The following CAGE1 variants were observed in gnomAD, a reference collection of about 807,000 sequenced individuals.
CAGE1 encodes the protein cancer antigen 1.
A neutral mutation model predicts 94.9 loss-of-function variants in CAGE1; 66 were observed. That is an observed-to-expected ratio of 0.70 (90% CI 0.57 to 0.85). The LOEUF (loss-of-function observed/expected upper bound fraction) is 0.85, where lower values mean the gene tolerates loss of function less well. Among genes scored for constraint, CAGE1 ranks in the 40% least tolerant of loss-of-function variants. The pLI, the probability that CAGE1 is intolerant of heterozygous loss-of-function variation, is 0.00. For missense variants in CAGE1, 865 were observed against 950.4 expected (o/e 0.91, Z 1.18); for synonymous variants, 319 against 321.0 (o/e 0.99, Z 0.07).
chr6:7,389,078 A>AATAG, intron 1 of CAGE1, 124 bp downstream of exon 1: 1 of 324,790 alleles, frequency 3.1e-6, no homozygotes, highest in East Asian at 7.6e-5. Flanking sequence ...CAAATGTTTG[A>AATAG]ATAGATGTTC....
intron 11 of CAGE1, among the ~76,000 whole-genome samples, chr6:7,351,754 T>C (rs1450704739): frequency 6.6e-6 from 1 of 152,078 alleles, no homozygotes; most frequent in East Asian, 1.9e-4. Flanking sequence ...TGTGATACAC[T>C]ACATAAAAAG....
intron 10 of CAGE1, 140 bp from the exon 11 acceptor site, chr6:7,355,251 G>T: frequency 1.7e-6 from 1 of 574,388 alleles, no homozygotes; most frequent in Admixed American, 3.1e-5. Flanking sequence ...CTTACATTTT[G>T]AAATCAGGAA....
At chr6:7,341,253 C>A in intron 11 of CAGE1, 1 of 669,880 alleles carries the variant, frequency 1.5e-6, no homozygotes. Context: ...CAAAGGTGCT[C>A]ACAGCAGAAG....
intron 11 of CAGE1, among the ~76,000 whole-genome samples, chr6:7,346,510 C>T (rs1345709415): frequency 6.6e-6 from 1 of 152,054 alleles, no homozygotes; most frequent in East Asian, 1.9e-4. Flanking sequence ...GACTGCGCCA[C>T]TGCACTCCGG....
chr6:7,327,097 G>A (rs529399459), intron 13 of CAGE1, among the ~76,000 whole-genome samples, 198 bp from the exon 14 acceptor site: 1 of 152,258 alleles, frequency 6.6e-6, no homozygotes, highest in South Asian at 2.1e-4. Flanking sequence ...CTGTTACCCA[G>A]GCTGCAGTGC....
At chr6:7,334,966 C>T (rs1486448746) in intron 11 of CAGE1, among the ~76,000 whole-genome samples, 4 of 152,080 alleles carry the variant, frequency 2.6e-5, no homozygotes, top group Admixed American at 6.5e-5. Context: ...GAAGCTTCAC[C>T]GGCCTGAAAT....
chr6:7,338,372 T>C (rs1759041384), intron 11 of CAGE1, among the ~76,000 whole-genome samples: 1 of 152,216 alleles, frequency 6.6e-6, no homozygotes, highest in Non-Finnish European at 1.5e-5. Flanking sequence ...ATAATGTTAG[T>C]AGGCTTTTTG....
chr6:7,372,825 T>C (rs1760587193), intron 5 of CAGE1, among the ~76,000 whole-genome samples: 1 of 152,122 alleles, frequency 6.6e-6, no homozygotes, highest in Admixed American at 6.5e-5. Context: ...CACACCACCA[T>C]GCATGACAGA....
chr6:7,384,334 C>A (rs903461548), intron 3 of CAGE1, among the ~76,000 whole-genome samples: 1 of 152,192 alleles, frequency 6.6e-6, no homozygotes, highest in African/African-American at 2.4e-5. Flanking sequence ...GCCTCGGCAG[C>A]GCTTATTTTT....
intron 11 of CAGE1, chr6:7,341,976 G>T (rs1759194287): frequency 1.3e-6 from 1 of 746,294 alleles, no homozygotes; most frequent in Non-Finnish European, 2.5e-6. Flanking sequence ...TGCAGAGCTT[G>T]TTCTCACTGG....
chr6:7,329,401 C>T lies in CAGE1; in HGVS notation c.2478+448G>A, dbSNP rs1758663329. The T allele has an allele frequency of 8.7e-6, 3 of 342,890 alleles. No homozygotes were observed. In the South Asian group the frequency reaches 4.3e-4, roughly 49 times the overall value. 21.2% of individuals were successfully genotyped at this position (342,890 alleles called of 1,614,324 possible). A position where few individuals can be genotyped will look rare whatever the true frequency, so the allele number is the denominator to read the frequency against. Reference sequence around the variant, plus strand: ...AGGGCTGGAGCCAGATCATAGGGGACTTTATACGCCTCGCCAAGGAGCTCA... The same window carrying T: ...AGGGCTGGAGCCAGATCATAGGGGATTTTATACGCCTCGCCAAGGAGCTCA... On this transcript the variant is annotated intron_variant, in intron 13 of 13. Coordinates refer to ENST00000502583, the MANE Select transcript of CAGE1 (RefSeq NM_001170692.2).
chr6:7,328,343 A>G (rs886525270), intron 13 of CAGE1, among the ~76,000 whole-genome samples: 1 of 152,208 alleles, frequency 6.6e-6, no homozygotes, highest in South Asian at 2.1e-4. Context: ...CATAGGTGCT[A>G]TTACGTCAAA....
intron 11 of CAGE1, among the ~76,000 whole-genome samples, chr6:7,337,553 T>C (rs1561847766): frequency 6.6e-6 from 1 of 152,180 alleles, no homozygotes; most frequent in African/African-American, 2.4e-5. Context: ...TGGTGGAGTG[T>C]ATAAATCAAA....
chr6:7,376,574 G>C (rs957956826), intron 4 of CAGE1, among the ~76,000 whole-genome samples: 3 of 152,042 alleles, frequency 2.0e-5, no homozygotes, highest in Non-Finnish European at 4.4e-5. Flanking sequence ...CCGTGAGCCA[G>C]ATAAATTGTT....
Position 7,356,039 on chromosome 6 carries a change from T to C in CAGE1, c.2284A>G (p.Asn762Asp). ...AAAATGTCTACCTTCTTTATTAAGTTGCCTAAATGTCTTTGATACTTGTCA... is the reference window on the plus strand; with the variant it reads ...AAAATGTCTACCTTCTTTATTAAGTCGCCTAAATGTCTTTGATACTTGTCA... The part of the protein sequence containing the change: ...ENDKYQRHLG[N>D]LIKKVTSYEE... The change falls in exon 10 of 14, where the codon AAC becomes GAC. Residue 762 changes from asparagine to aspartate, a missense_variant. By Grantham distance (23) the Asn-to-Asp change is conservative. Transcript: ENST00000502583. 1 of 1,536,620 alleles carries C rather than the reference T, an allele frequency of 6.5e-7. No individual in the cohort carries two copies. Among genetic ancestry groups the C allele is most frequent in the Non-Finnish European group, 8.8e-7 (1 of 1,133,466 alleles).
intron 11 of CAGE1, among the ~76,000 whole-genome samples, chr6:7,352,991 G>C (rs771007785): frequency 5.3e-5 from 8 of 152,158 alleles, no homozygotes; most frequent in Non-Finnish European, 1.2e-4. Context: ...CTTAGGCAAG[G>C]ATTTCATGAC....
chr6:7,373,463 T>C lies in CAGE1; in HGVS notation c.1356A>G (p.Val452=). 6.2e-7 allele frequency: 1 copy of C among 1,613,934 alleles called. No individual in the cohort carries two copies. Among genetic ancestry groups the C allele is most frequent in the Non-Finnish European group, 8.5e-7 (1 of 1,179,858 alleles). The stretch of plus-strand genomic sequence containing the variant: ...CTTTTTTGAGTTGTTGTAGTCTCTC[T>C]ACCTCTTCTTCTTTCTTGCTTAAGG... ...DKTLSKKEEE[V]ERLQQLKKEL... The change falls in exon 5 of 14, where the codon GTA becomes GTG. Residue 452 remains valine, a synonymous_variant. Coordinates refer to ENST00000502583, the MANE Select transcript of CAGE1 (RefSeq NM_001170692.2).
intron 11 of CAGE1, among the ~76,000 whole-genome samples, chr6:7,345,618 T>C (rs1007115106): frequency 6.6e-6 from 1 of 152,134 alleles, no homozygotes; most frequent in African/African-American, 2.4e-5. Flanking sequence ...GTTTCTAACG[T>C]CTAAGGCCTG....
chr6:7,340,855 C>T, intron 11 of CAGE1: 1 of 417,810 alleles, frequency 2.4e-6, no homozygotes, highest in South Asian at 2.1e-5. Flanking sequence ...GCTTCTGTTC[C>T]TGCAGCACAC....
Sources: gnomAD v4.1 joint callset for allele counts (sites outside exome capture counted in the v4.1 genomes callset) on GRCh38, gnomAD v4.1.1 for gene constraint, MANE v1.5 for transcripts, NCBI Gene and HGNC (gene_info 2026-07-23, HGNC 2026-07-21) for gene names.